The following FAM167A variants were observed in gnomAD, a reference collection of about 807,000 sequenced individuals.
FAM167A encodes protein FAM167A.
FAM167A carries 23 observed loss-of-function variants against 14.9 expected under a neutral mutation model. That is an observed-to-expected ratio of 1.55 (90% CI 1.11 to 2.19). FAM167A has a LOEUF of 2.19. FAM167A is among the 30% of genes most tolerant of loss of function. The pLI, the probability that FAM167A is intolerant of heterozygous loss-of-function variation, is 0.00. For missense variants in FAM167A, 401 were observed against 281.5 expected (o/e 1.42, Z -3.04); for synonymous variants, 174 against 117.7 (o/e 1.48, Z -3.10).
At chr8:11,473,014 A>G (rs1230027783) in intron 1 of FAM167A, among the ~76,000 whole-genome samples, 1 of 152,234 alleles carries the variant, frequency 6.6e-6, no homozygotes, top group African/African-American at 2.4e-5. Context: ...ATGTTCAGGA[A>G]CAAGGCGGCA....
At chr8:11,468,800 G>T (rs1021370416), upstream of FAM167A, among the ~76,000 whole-genome samples, 3 of 152,318 alleles carry the variant, frequency 2.0e-5, no homozygotes, top group African/African-American at 7.2e-5. Context: ...TCTCATGGGG[G>T]AATTGTGGCA....
chr8:11,430,149 G>A (rs762662041), intron 2 of FAM167A, among the ~76,000 whole-genome samples: 11 of 152,200 alleles, frequency 7.2e-5, no homozygotes, highest in East Asian at 1.9e-4. Flanking sequence ...CGCTCCCAGC[G>A]TGGCCTGGTG....
intron 2 of FAM167A, among the ~76,000 whole-genome samples, chr8:11,430,344 G>C (rs775194004): frequency 2.0e-5 from 3 of 152,216 alleles, no homozygotes; most frequent in Non-Finnish European, 4.4e-5. Flanking sequence ...GCAGCCACAC[G>C]TGGCCCCTTT....
At chr8:11,436,106 T>G (rs1805988842) in intron 2 of FAM167A, among the ~76,000 whole-genome samples, 1 of 152,250 alleles carries the variant, frequency 6.6e-6, no homozygotes, top group African/African-American at 2.4e-5. Flanking sequence ...ACAACTGTAC[T>G]GCCTGTCACA....
At chr8:11,446,915 G>T (rs559749932) in intron 1 of FAM167A, among the ~76,000 whole-genome samples, 1 of 152,322 alleles carries the variant, frequency 6.6e-6, no homozygotes, top group Non-Finnish European at 1.5e-5. Context: ...TGGCAGGGGA[G>T]CTCTGATTAG....
intron 2 of FAM167A, among the ~76,000 whole-genome samples, chr8:11,433,163 T>C (rs1004650419): frequency 6.6e-6 from 1 of 151,624 alleles, no homozygotes; most frequent in African/African-American, 2.4e-5. Flanking sequence ...ATGTAACAAA[T>C]CTGCACATTC....
intron 2 of FAM167A, among the ~76,000 whole-genome samples, chr8:11,430,173 A>C (rs894022875): frequency 6.6e-6 from 1 of 152,230 alleles, no homozygotes; most frequent in Admixed American, 6.5e-5. Flanking sequence ...CTCTGAGAAC[A>C]AAAGCACTTG....
intron 2 of FAM167A, among the ~76,000 whole-genome samples, chr8:11,442,631 G>C (rs1388517872): frequency 2.6e-5 from 4 of 152,072 alleles, no homozygotes; most frequent in African/African-American, 9.7e-5. Context: ...GCCATTCAAA[G>C]AGCAGCTGGG....
intron 2 of FAM167A, among the ~76,000 whole-genome samples, chr8:11,439,467 C>A (rs1228795646): frequency 6.6e-6 from 1 of 152,264 alleles, no homozygotes; most frequent in Non-Finnish European, 1.5e-5. Context: ...GAGGGCAGCC[C>A]CCTCGAAGCC....
chr8:11,451,102 G>A (rs893702400), intron 1 of FAM167A, among the ~76,000 whole-genome samples: 1 of 152,246 alleles, frequency 6.6e-6, no homozygotes, highest in African/African-American at 2.4e-5. Context: ...GCCCATCCCT[G>A]GGGTTTCCTT....
At chr8:11,453,718 C>A (rs1387827016) in intron 1 of FAM167A, among the ~76,000 whole-genome samples, 1 of 151,930 alleles carries the variant, frequency 6.6e-6, no homozygotes, top group Admixed American at 6.6e-5. Context: ...AATCAAGTTG[C>A]CCCCCGAGAT....
upstream of FAM167A, among the ~76,000 whole-genome samples, chr8:11,468,115 AC>A (rs977504015): frequency 1.3e-5 from 2 of 151,678 alleles, no homozygotes; most frequent in Non-Finnish European, 2.9e-5. Context: ...ATCTCCCTTT[AC>A]CCTCTCTCAG....
intron 2 of FAM167A, among the ~76,000 whole-genome samples, chr8:11,431,516 G>A (rs889988602): frequency 2.6e-5 from 4 of 152,160 alleles, no homozygotes; most frequent in South Asian, 2.1e-4. Context: ...CATATAAAAT[G>A]GTACATTTTA....
At chr8:11,458,796 C>A (rs1030183944) in intron 1 of FAM167A, among the ~76,000 whole-genome samples, 5 of 150,242 alleles carry the variant, frequency 3.3e-5, no homozygotes, top group African/African-American at 1.3e-4. Context: ...AAAAAAAAAA[C>A]AGAAAGAGAG....
In FAM167A at chr8:11,444,441, C is replaced by T. The variant is rs199861671; in HGVS notation, c.-30G>A. 2.2e-4 allele frequency: 330 copies of T among 1,504,274 alleles called. No individual in the cohort carries two copies. Among genetic ancestry groups the T allele is most frequent in the Non-Finnish European group, 2.8e-4 (312 of 1,126,554 alleles). The allele number at this position is 1,504,274 out of a possible 1,614,324, so 93.2% of individuals were successfully genotyped here. The stretch of plus-strand genomic sequence containing the variant: ...CAGTCTGCCCTGGCAGCCGGACATG[C>T]GAGGGCACGGGGGGCGCAGGGGGAG... On this transcript the variant is annotated 5_prime_UTR_variant, in exon 2 of 3. Coordinates refer to ENST00000284486, the MANE Select transcript of FAM167A (RefSeq NM_053279.3).
intron 1 of FAM167A, among the ~76,000 whole-genome samples, chr8:11,463,840 C>T (rs1191368565): frequency 6.6e-6 from 1 of 152,166 alleles, no homozygotes; most frequent in Non-Finnish European, 1.5e-5. Context: ...TATGGGCACC[C>T]GAGGGACCTT....
In FAM167A at chr8:11,423,698, C is replaced by T. The variant is rs1585220181; in HGVS notation, c.*675G>A. On this transcript the variant is annotated 3_prime_UTR_variant, in exon 3 of 3. Transcript: ENST00000284486. Reference sequence around the variant, plus strand: ...TGGGGACATCTGTGCTTGTTGCACCCAAGCTACGCTAGTGCCCCCATCACA... The same window carrying T: ...TGGGGACATCTGTGCTTGTTGCACCTAAGCTACGCTAGTGCCCCCATCACA... The T allele has an allele frequency of 1.3e-5, 2 of 152,728 alleles. No homozygotes were observed. The highest frequency in any genetic ancestry group is 2.9e-5 in the Non-Finnish European group (2 of 68,396). The allele number at this position is 152,728 out of a possible 1,614,324, so 9.5% of individuals were successfully genotyped here.
chr8:11,427,071 G>T (rs977321328), intron 2 of FAM167A, among the ~76,000 whole-genome samples: 8 of 152,202 alleles, frequency 5.3e-5, no homozygotes, highest in South Asian at 4.1e-4. Flanking sequence ...AGGTATGTAG[G>T]TTTTGTCTTT....
intron 2 of FAM167A, chr8:11,434,924 G>T (rs545706076): frequency 7.3e-6 from 3 of 413,002 alleles, no homozygotes; most frequent in Non-Finnish European, 1.5e-5. Flanking sequence ...ACTGCTGCTG[G>T]CTGGGTGAGG....
Sources: gnomAD v4.1 joint callset for allele counts (sites outside exome capture counted in the v4.1 genomes callset) on GRCh38, gnomAD v4.1.1 for gene constraint, MANE v1.5 for transcripts, NCBI Gene and HGNC (gene_info 2026-07-23, HGNC 2026-07-21) for gene names.